Variants in NLGN1 observed in about 807,000 individuals in gnomAD.
NLGN1 encodes the protein neuroligin-1.
Under a neutral mutation model 65.5 loss-of-function variants are expected in NLGN1, and 12 were observed. The ratio of observed to expected loss-of-function variants is 0.18; its 90% CI spans 0.12 to 0.30. The LOEUF (loss-of-function observed/expected upper bound fraction) is 0.30. Ranked by LOEUF, NLGN1 falls within the 10% of genes least tolerant of loss-of-function variation. The pLI is 1.00. For missense variants in NLGN1, 750 were observed against 1,007.1 expected (o/e 0.74, Z 3.46); for synonymous variants, 350 against 359.5 (o/e 0.97, Z 0.30).
At chr3:173,915,561 C>A (rs577805941) in intron 4 of NLGN1, among the ~76,000 whole-genome samples, 1 of 152,276 alleles carries the variant, frequency 6.6e-6, no homozygotes, top group South Asian at 2.1e-4. Context: ...TTATAACTAA[C>A]CAGGTAACTT....
chr3:173,527,524 A>C (rs920839191), intron 2 of NLGN1, among the ~76,000 whole-genome samples: 4 of 152,030 alleles, frequency 2.6e-5, no homozygotes, highest in African/African-American at 4.8e-5. Flanking sequence ...CAGCCTCCCA[A>C]GTAGCTGGGA....
intron 3 of NLGN1, chr3:173,685,588 T>C (rs970484464): frequency 2.1e-6 from 2 of 945,258 alleles, no homozygotes; most frequent in Non-Finnish European, 2.5e-6. Flanking sequence ...AAAGAGGTTA[T>C]TAAAGTTCAG....
intron 3 of NLGN1, among the ~76,000 whole-genome samples, chr3:173,698,159 G>A (rs1405591445): frequency 6.6e-6 from 1 of 152,120 alleles, no homozygotes; most frequent in Non-Finnish European, 1.5e-5. Context: ...TGCAGAAGAT[G>A]TTGTTCACTG....
At chr3:173,689,622 C>T (rs921380280) in intron 3 of NLGN1, among the ~76,000 whole-genome samples, 4 of 152,108 alleles carry the variant, frequency 2.6e-5, no homozygotes, top group Admixed American at 2.0e-4. Context: ...AGATAATGGC[C>T]TGGTTTGCAA....
intron 3 of NLGN1, among the ~76,000 whole-genome samples, chr3:173,762,021 A>G (rs1778037785): frequency 6.6e-6 from 1 of 152,152 alleles, no homozygotes; most frequent in African/African-American, 2.4e-5. Context: ...GAGTCTTCTT[A>G]TAGCCTACTG....
chr3:174,098,013 C>T (rs886509060), intron 4 of NLGN1, among the ~76,000 whole-genome samples: 3 of 152,200 alleles, frequency 2.0e-5, no homozygotes, highest in Non-Finnish European at 2.9e-5. Flanking sequence ...TGCAGTATAT[C>T]ACTGAGGTGG....
At chr3:173,570,374 T>A (rs1236168440) in intron 2 of NLGN1, among the ~76,000 whole-genome samples, 1 of 152,144 alleles carries the variant, frequency 6.6e-6, no homozygotes, top group Non-Finnish European at 1.5e-5. Flanking sequence ...GAGAGATTGC[T>A]GGGCAGGAAG....
At chr3:173,890,713 T>C (rs1735171475) in intron 4 of NLGN1, among the ~76,000 whole-genome samples, 1 of 152,112 alleles carries the variant, frequency 6.6e-6, no homozygotes, top group Admixed American at 6.6e-5. Context: ...GACGAAAAGG[T>C]TTACCTCCTA....
chr3:174,246,142 T>C (rs1743740638), intron 4 of NLGN1, among the ~76,000 whole-genome samples: 1 of 152,198 alleles, frequency 6.6e-6, no homozygotes, highest in Non-Finnish European at 1.5e-5. Context: ...TTTCCAGACG[T>C]CACTGGATAC....
At position 174,256,987 on chromosome 3, in the gene NLGN1, A is replaced by T. The variant is rs1272250052; in HGVS notation, c.647-18328A>T. Among the ~76,000 whole-genome samples the T allele has an allele frequency of 2.6e-5, 4 of 152,282 alleles. No homozygotes were observed. The East Asian group carries it at 7.7e-4, about 29-fold the overall frequency. ...AGAAAACAGACAATCTATCAAATGG[A>T]AGAAAATGTTTGGAATCTATCCATC... is the stretch of plus-strand genomic sequence containing the variant. On this transcript the variant is annotated intron_variant, in intron 4 of 6. Transcript: ENST00000457714.
At chr3:174,211,915 A>G (rs1000244898) in intron 4 of NLGN1, among the ~76,000 whole-genome samples, 2 of 152,142 alleles carry the variant, frequency 1.3e-5, no homozygotes, top group Non-Finnish European at 2.9e-5. Flanking sequence ...TTCACCCAGT[A>G]GATCCCGCAC....
intron 2 of NLGN1, among the ~76,000 whole-genome samples, chr3:173,482,308 C>T (rs897381934): frequency 2.0e-5 from 3 of 151,824 alleles, no homozygotes; most frequent in Non-Finnish European, 4.4e-5. Flanking sequence ...AGGAGGACGT[C>T]AACATTTCTT....
intron 3 of NLGN1, among the ~76,000 whole-genome samples, chr3:173,745,853 A>C (rs1560283815): frequency 1.3e-5 from 2 of 152,222 alleles, no homozygotes; most frequent in East Asian, 1.9e-4. Flanking sequence ...ATTAGTTCAA[A>C]AGGAATTTCA....
At chr3:173,972,509 A>T (rs1446547761) in intron 4 of NLGN1, among the ~76,000 whole-genome samples, 1 of 152,158 alleles carries the variant, frequency 6.6e-6, no homozygotes, top group Admixed American at 6.6e-5. Context: ...GTGTGAGTGG[A>T]TAGAATCCAC....
chr3:174,164,818 G>GTT (rs202022854), intron 4 of NLGN1, among the ~76,000 whole-genome samples: 3 of 151,644 alleles, frequency 2.0e-5, no homozygotes, highest in African/African-American at 7.3e-5. Context: ...TCCCAATGCT[G>GTT]TTTTTTTCCA....
intron 3 of NLGN1, among the ~76,000 whole-genome samples, chr3:173,758,579 G>A (rs1254635778): frequency 6.6e-6 from 1 of 151,948 alleles, no homozygotes; most frequent in Non-Finnish European, 1.5e-5. Context: ...TACCCAGCCA[G>A]TGTTTCCCAT....
chr3:173,877,208 T>C (rs115004527), intron 4 of NLGN1, among the ~76,000 whole-genome samples: 3,279 of 152,260 alleles, frequency 0.022, 59 homozygotes, highest in Middle Eastern at 0.044. Flanking sequence ...ATAATATCTG[T>C]GGATATCATG....
At chr3:174,047,241 T>A (rs959533379) in intron 4 of NLGN1, among the ~76,000 whole-genome samples, 4 of 152,058 alleles carry the variant, frequency 2.6e-5, no homozygotes, top group Non-Finnish European at 5.9e-5. Context: ...TATATTTTTA[T>A]AAAGTGTACA....
chr3:173,833,678 C>G (rs1205507825), intron 4 of NLGN1, among the ~76,000 whole-genome samples: 1 of 152,048 alleles, frequency 6.6e-6, no homozygotes. Context: ...ACCACCACAC[C>G]CTGCTAATTT....
Sources: gnomAD v4.1 joint callset for allele counts (sites outside exome capture counted in the v4.1 genomes callset) on GRCh38, gnomAD v4.1.1 for gene constraint, MANE v1.5 for transcripts, NCBI Gene and HGNC (gene_info 2026-07-23, HGNC 2026-07-21) for gene names.